Variants in DNAH8 observed in about 807,000 individuals in gnomAD.
DNAH8 encodes dynein axonemal heavy chain 8.
DNAH8 carries 382 observed loss-of-function variants against 562.1 expected under a neutral mutation model. That is an observed-to-expected ratio of 0.68 (90% CI 0.63 to 0.74). The LOEUF is 0.74. Ranked by LOEUF, DNAH8 falls within the 30% of genes least tolerant of loss-of-function variation. DNAH8 has a pLI of 0.00. For missense variants in DNAH8, 5,203 were observed against 5,620.4 expected (o/e 0.93, Z 2.37); for synonymous variants, 1,881 against 1,919.4 (o/e 0.98, Z 0.52).
At chr6:38,919,201 A>G (rs568202579) in intron 70 of DNAH8, among the ~76,000 whole-genome samples, 69 of 152,354 alleles carry the variant, frequency 4.5e-4, no homozygotes, top group African/African-American at 1.6e-3. Flanking sequence ...TAAATAAAAT[A>G]GCATAAAATT....
rs1466301904 is a variant in DNAH8 at position 38,903,616 on chromosome 6, T to C, written c.9195-2638T>C. ...TTTCTTTTTCTTTCTTTCTTCCTTT[T>C]TTTTTTTTTTTTTTGAGAAGGAGTC... On this transcript the variant is annotated intron_variant, in intron 62 of 92. Coordinates refer to ENST00000327475, the MANE Select transcript of DNAH8 (RefSeq NM_001206927.2). Among the ~76,000 whole-genome samples, 61 of 146,798 alleles carry C rather than the reference T, an allele frequency of 4.2e-4. 1 individual carries two copies. Among genetic ancestry groups the C allele is most frequent in the Non-Finnish European group, 6.8e-4 (45 of 66,318 alleles).
intron 62 of DNAH8, among the ~76,000 whole-genome samples, chr6:38,901,008 C>T (rs1291218076): frequency 2.6e-5 from 4 of 152,034 alleles, no homozygotes; most frequent in Non-Finnish European, 4.4e-5. Flanking sequence ...CTCTCATTGG[C>T]CATTTGGATA....
chr6:38,998,394 A>G (rs964345962), intron 88 of DNAH8, among the ~76,000 whole-genome samples: 1 of 152,200 alleles, frequency 6.6e-6, no homozygotes, highest in African/African-American at 2.4e-5. Context: ...AACTCTTTCA[A>G]TGTCAAAAAT....
chr6:38,939,988 C>T (rs1316749853), intron 79 of DNAH8, among the ~76,000 whole-genome samples: 1 of 152,134 alleles, frequency 6.6e-6, no homozygotes, highest in Non-Finnish European at 1.5e-5. Flanking sequence ...TGGAGGCATA[C>T]TGAGAAATAG....
Position 38,998,326 on chromosome 6 carries a change from A to G in DNAH8, c.13214+8154A>G, listed in dbSNP as rs1056151154. On this transcript the variant is annotated intron_variant, in intron 88 of 92. Transcript: ENST00000327475. ...ATAGTGATAAGAACCATGAAAATAC[A>G]CAGTTTATTCACATTTTATTATGTA... Among the ~76,000 whole-genome samples, 4 of 152,176 alleles carry G rather than the reference A, an allele frequency of 2.6e-5. No individual in the cohort carries two copies. In the South Asian group the frequency reaches 8.3e-4, roughly 32 times the overall value.
chr6:38,929,404 A>G lies in DNAH8; in HGVS notation c.11119-107A>G, dbSNP rs79853304. The G allele has an allele frequency of 2.8e-3, 3,166 of 1,134,112 alleles. 28 individuals are homozygous for G. The highest frequency in any genetic ancestry group is 0.018 in the African/African-American group (1,120 of 62,676). 70.3% of individuals were successfully genotyped at this position (1,134,112 alleles called of 1,614,324 possible). ...AATTTTTTTAAGTAAGTCTTCTTCT[A>G]TTGCCCTTAAAATTCTTGATTACCT... is the stretch of plus-strand genomic sequence containing the variant. On this transcript the variant is annotated intron_variant, in intron 74 of 92. Coordinates refer to ENST00000327475, the MANE Select transcript of DNAH8 (RefSeq NM_001206927.2).
At chr6:38,719,610 A>T (rs972623431) in intron 1 of DNAH8, among the ~76,000 whole-genome samples, 2 of 152,128 alleles carry the variant, frequency 1.3e-5, no homozygotes, top group East Asian at 3.9e-4. Flanking sequence ...TTCTTCATCC[A>T]ATCCACTGTG....
At chr6:38,965,823 T>C (rs923795062) in intron 82 of DNAH8, among the ~76,000 whole-genome samples, 6 of 152,212 alleles carry the variant, frequency 3.9e-5, no homozygotes, top group Non-Finnish European at 5.9e-5. Flanking sequence ...CGTGGGAATG[T>C]TTCTCACTTT....
In DNAH8 at chr6:38,868,090, T is replaced by C. The variant is rs777871564; in HGVS notation, c.6722T>C (p.Ile2241Thr). 1 of 1,611,714 alleles carries C rather than the reference T, an allele frequency of 6.2e-7. No individual in the cohort carries two copies. The highest frequency in any genetic ancestry group is 8.5e-7 in the Non-Finnish European group (1 of 1,179,506). Residue 2241 changes from isoleucine to threonine, a missense_variant, in exon 48 of 93, where the codon ATT (isoleucine) becomes ACT (threonine). Physicochemically the swap from Ile to Thr is moderately conservative, Grantham distance 89. Transcript: ENST00000327475. ...CATTATGACTTTGGATTGAGAAATA[T>C]TCTGTCTGTATTGAGGACTCTTGGA... Reference protein sequence around the residue: ...QVHYDFGLRNILSVLRTLGSQ... With the variant: ...QVHYDFGLRNTLSVLRTLGSQ...
At chr6:38,986,369 A>C (rs17336909) in intron 87 of DNAH8, among the ~76,000 whole-genome samples, 82,934 of 152,028 alleles carry the variant, frequency 0.55, 23,354 homozygotes, top group Non-Finnish European at 0.62. Flanking sequence ...TCTATAAAGG[A>C]ATATATGCAT....
In DNAH8 at chr6:38,723,595, C is replaced by G. The variant is rs1762956050; in HGVS notation, c.525+124C>G. The G allele has an allele frequency of 5.5e-6, 7 of 1,263,552 alleles. No individual in the cohort carries two copies. The Admixed American group carries it at 1.4e-4, about 25-fold the overall frequency. 78.3% of individuals were successfully genotyped at this position (1,263,552 alleles called of 1,614,324 possible). A position where few individuals can be genotyped will look rare whatever the true frequency, so the allele number is the denominator to read the frequency against. ...ATCATTCAGAAAGACAAAGTTGGGG[C>G]AGGGCACAGTGGCTCATGCCTGTAA... is the stretch of plus-strand genomic sequence containing the variant. On this transcript the variant is annotated intron_variant, in intron 3 of 92. Transcript: ENST00000327475.
chr6:38,833,871 A>G (rs958972633), intron 31 of DNAH8, among the ~76,000 whole-genome samples: 1 of 152,184 alleles, frequency 6.6e-6, no homozygotes, highest in African/African-American at 2.4e-5. Flanking sequence ...TATTTAGTAT[A>G]TCTATCATAT....
At chr6:39,014,276 G>C (rs969573010) in intron 91 of DNAH8, among the ~76,000 whole-genome samples, 3 of 152,144 alleles carry the variant, frequency 2.0e-5, no homozygotes, top group Non-Finnish European at 4.4e-5. Context: ...CATTGAGTTA[G>C]GGGAGGAACA....
rs1330298296 is a variant in DNAH8 at position 38,883,904 on chromosome 6, G to A, written c.8165G>A (p.Arg2722Gln). ...ACAATTGAAAGCTACGTGGATAAGCGAATTGGAAGCACATATGGGCCACCA... is the reference window on the plus strand; with the variant it reads ...ACAATTGAAAGCTACGTGGATAAGCAAATTGGAAGCACATATGGGCCACCA... ...QRTIESYVDK[R>Q]IGSTYGPPGG... Residue 2722 changes from arginine to glutamine, a missense_variant, in exon 56 of 93, where the codon CGA (arginine) becomes CAA (glutamine). Coordinates refer to ENST00000327475, the MANE Select transcript of DNAH8 (RefSeq NM_001206927.2). 6.3e-6 allele frequency: 10 copies of A among 1,586,146 alleles called. No individual in the cohort carries two copies. Among genetic ancestry groups the A allele is most frequent in the South Asian group, 4.6e-5 (4 of 86,378 alleles).
intron 58 of DNAH8, among the ~76,000 whole-genome samples, chr6:38,891,218 A>T (rs1779320100): frequency 6.6e-6 from 1 of 152,188 alleles, no homozygotes; most frequent in African/African-American, 2.4e-5. Flanking sequence ...TAGTAAATGG[A>T]TGGAAATGTT....
chr6:38,793,508 C>T (rs998186452), intron 21 of DNAH8, among the ~76,000 whole-genome samples: 5 of 151,966 alleles, frequency 3.3e-5, no homozygotes, highest in African/African-American at 4.8e-5. Flanking sequence ...TTATGACTTT[C>T]GTCCTTTTTG....
At chr6:38,984,379 G>A (rs1764230920) in intron 87 of DNAH8, 72 bp downstream of exon 87, 1 of 940,210 alleles carries the variant, frequency 1.1e-6, no homozygotes, top group East Asian at 2.5e-5. Flanking sequence ...GTTTGTAATA[G>A]GTCTGCCAAA....
intron 71 of DNAH8, among the ~76,000 whole-genome samples, chr6:38,922,728 A>G (rs1377335887): frequency 3.3e-5 from 5 of 152,220 alleles, no homozygotes; most frequent in Non-Finnish European, 7.3e-5. Flanking sequence ...ACTGCATCCA[A>G]GACATCAAAA....
chr6:38,773,131 TG>T (rs900104093), intron 12 of DNAH8, among the ~76,000 whole-genome samples: 8 of 151,996 alleles, frequency 5.3e-5, no homozygotes, highest in Admixed American at 2.6e-4. Flanking sequence ...GGGATTTTTT[TG>T]GGGGCAAATG....
Sources: gnomAD v4.1 joint callset for allele counts (sites outside exome capture counted in the v4.1 genomes callset) on GRCh38, gnomAD v4.1.1 for gene constraint, MANE v1.5 for transcripts, NCBI Gene and HGNC (gene_info 2026-07-23, HGNC 2026-07-21) for gene names.